The following ILDR2 variants were observed in gnomAD, a reference collection of about 807,000 sequenced individuals.
ILDR2 encodes the protein immunoglobulin like domain containing receptor 2.
A neutral mutation model predicts 66.8 loss-of-function variants in ILDR2; 25 were observed. The observed-to-expected ratio is 0.37, with a 90% CI of 0.27 to 0.52. ILDR2 has a LOEUF of 0.52. Ranked by LOEUF, ILDR2 falls within the 20% of genes least tolerant of loss-of-function variation. ILDR2 has a pLI of 0.88. For synonymous variants in ILDR2, 367 were observed against 357.2 expected (o/e 1.03, Z -0.31); for missense variants, 827 against 876.8 (o/e 0.94, Z 0.72).
intron 1 of ILDR2, among the ~76,000 whole-genome samples, chr1:166,961,313 G>A (rs1324796339): frequency 6.6e-6 from 1 of 152,066 alleles, no homozygotes; most frequent in Non-Finnish European, 1.5e-5. Context: ...CTCCTTCCAA[G>A]CTCTGTTCTC....
At position 166,975,296 on chromosome 1, in the gene ILDR2, G is replaced by T; in HGVS notation, c.-28C>A. The T allele has an allele frequency of 6.2e-7, 1 of 1,609,782 alleles. No individual in the cohort carries two copies. Among genetic ancestry groups the T allele is most frequent in the Non-Finnish European group, 8.5e-7 (1 of 1,176,570 alleles). On this transcript the variant is annotated 5_prime_UTR_variant, in exon 1 of 10. Transcript: ENST00000271417. ...TCCCCAACTTCCCAGCCGAATTACG[G>T]AGTGAGGAAAGTGGGAAATGGCTGG... is the stretch of plus-strand genomic sequence containing the variant.
intron 3 of ILDR2, among the ~76,000 whole-genome samples, chr1:166,948,022 A>T (rs1406971198): frequency 6.6e-6 from 1 of 152,106 alleles, no homozygotes; most frequent in Non-Finnish European, 1.5e-5. Flanking sequence ...TTCAGAAAAC[A>T]ACTATTACGT....
chr1:166,925,757 C>CTTA (rs1223891485), intron 7 of ILDR2, among the ~76,000 whole-genome samples: 6 of 152,190 alleles, frequency 3.9e-5, no homozygotes, highest in Non-Finnish European at 8.8e-5. Flanking sequence ...AGTCCATTAC[C>CTTA]TTATGACCAT....
intron 3 of ILDR2, among the ~76,000 whole-genome samples, chr1:166,940,749 C>T (rs1661265152): frequency 6.6e-6 from 1 of 152,208 alleles, no homozygotes; most frequent in Non-Finnish European, 1.5e-5. Context: ...ACACATGTTG[C>T]TATTGGACAG....
rs1172820649 is a variant in ILDR2 at position 166,915,309 on chromosome 1, T to C, written c.*4046A>G. 1.3e-5 allele frequency: 2 copies of C among 152,318 alleles called. No homozygotes were observed. The highest frequency in any genetic ancestry group is 4.8e-5 in the African/African-American group (2 of 41,552). 9.4% of individuals were successfully genotyped at this position (152,318 alleles called of 1,614,324 possible). A position where few individuals can be genotyped will look rare whatever the true frequency, so the allele number is the denominator to read the frequency against. ...ATTGAGAGGGACCTCACCAGGACAT[T>C]TGAAGAAAAAATTCTAAGGCCCAAG... On this transcript the variant is annotated 3_prime_UTR_variant, in exon 10 of 10. Coordinates refer to ENST00000271417, the MANE Select transcript of ILDR2 (RefSeq NM_199351.3).
At chr1:166,925,084 C>G (rs1660197799) in intron 7 of ILDR2, among the ~76,000 whole-genome samples, 1 of 152,008 alleles carries the variant, frequency 6.6e-6, no homozygotes, top group African/African-American at 2.4e-5. Context: ...CTAGAACTTC[C>G]CAGACTAAAA....
intron 7 of ILDR2, among the ~76,000 whole-genome samples, chr1:166,923,653 TG>T (rs1176265420): frequency 2.0e-5 from 3 of 152,164 alleles, no homozygotes; most frequent in African/African-American, 7.2e-5. Context: ...AAAATACAAA[TG>T]GGGGTATCTA....
chr1:166,913,026 C>T lies in ILDR2; in HGVS notation c.*6329G>A, dbSNP rs538325800. ...GCTTATTACAATCTGTAAAAGCATA[C>T]CTTTTGCTCTGTCAGTACCAGCCCC... On this transcript the variant is annotated 3_prime_UTR_variant, in exon 10 of 10. Transcript: ENST00000271417. 6.6e-6 allele frequency: 1 copy of T among 152,318 alleles called. No individual in the cohort carries two copies. The highest frequency in any genetic ancestry group is 2.4e-5 in the African/African-American group (1 of 41,568). The allele number at this position is 152,318 out of a possible 1,614,324, so 9.4% of individuals were successfully genotyped here.
downstream of ILDR2, among the ~76,000 whole-genome samples, chr1:166,907,555 C>A (rs541366043): frequency 6.6e-6 from 1 of 152,258 alleles, no homozygotes; most frequent in African/African-American, 2.4e-5. Flanking sequence ...ATCTGTTGCT[C>A]TAAATTTGCT....
intron 7 of ILDR2, among the ~76,000 whole-genome samples, chr1:166,923,535 G>C (rs114780393): frequency 6.6e-6 from 1 of 152,202 alleles, no homozygotes; most frequent in Non-Finnish European, 1.5e-5. Flanking sequence ...TTTTCCAGGG[G>C]TATGTGTCCA....
chr1:166,950,358 C>T (rs1661899622), intron 3 of ILDR2, among the ~76,000 whole-genome samples: 2 of 152,106 alleles, frequency 1.3e-5, no homozygotes. Flanking sequence ...CCCTTTTAAT[C>T]GTCAAATCTC....
At chr1:166,923,433 C>T (rs1021810712) in intron 7 of ILDR2, among the ~76,000 whole-genome samples, 2 of 152,232 alleles carry the variant, frequency 1.3e-5, no homozygotes, top group East Asian at 1.9e-4. Context: ...TGACTTAGCC[C>T]ATGCTCATTT....
At position 166,936,579 on chromosome 1, in the gene ILDR2, C is replaced by A. The variant is rs1660995424; in HGVS notation, c.703+12G>T. 3 of 1,613,948 alleles carry A rather than the reference C, an allele frequency of 1.9e-6. No individual in the cohort carries two copies. The highest frequency in any genetic ancestry group is 2.5e-6 in the Non-Finnish European group (3 of 1,180,022). ...TCGATCGCTCTGTCTCCCCAGCGGT[C>A]ACTGTACTCACAGGCTTGAGGGCAG... On this transcript the variant is annotated intron_variant, in intron 5 of 9. Transcript: ENST00000271417. This position sits in a 1 kb window ranked among gnomAD's most constrained non-coding sequence, Gnocchi z 5.0.
downstream of ILDR2, among the ~76,000 whole-genome samples, chr1:166,904,604 AC>A (rs1659311908): frequency 6.6e-6 from 1 of 152,312 alleles, no homozygotes; most frequent in East Asian, 1.9e-4. Context: ...TTTCTAAGTC[AC>A]CTTGAGAAGT....
rs545226997 is a variant in ILDR2 at position 166,915,549 on chromosome 1, A to G, written c.*3806T>C. On this transcript the variant is annotated 3_prime_UTR_variant, in exon 10 of 10. Coordinates refer to ENST00000271417, the MANE Select transcript of ILDR2 (RefSeq NM_199351.3). Reference sequence around the variant, plus strand: ...TTGTGGTTAGGCAATTTTGGGAAACACTAATCAGCAGAAAAGATCCAGAGG... The same window carrying G: ...TTGTGGTTAGGCAATTTTGGGAAACGCTAATCAGCAGAAAAGATCCAGAGG... The G allele has an allele frequency of 1.3e-5, 2 of 152,208 alleles. No individual in the cohort carries two copies. Among genetic ancestry groups the G allele is most frequent in the Admixed American group, 6.5e-5 (1 of 15,282 alleles). 9.4% of individuals were successfully genotyped at this position (152,208 alleles called of 1,614,324 possible). A position where few individuals can be genotyped will look rare whatever the true frequency, so the allele number is the denominator to read the frequency against.
chr1:166,954,452 C>A (rs982992690), intron 3 of ILDR2, among the ~76,000 whole-genome samples: 1 of 152,088 alleles, frequency 6.6e-6, no homozygotes, highest in Non-Finnish European at 1.5e-5. Flanking sequence ...CTAACTAACC[C>A]CTTTAAATAA....
At chr1:166,966,643 A>G (rs1662969664) in intron 1 of ILDR2, among the ~76,000 whole-genome samples, 1 of 152,206 alleles carries the variant, frequency 6.6e-6, no homozygotes, top group South Asian at 2.1e-4. Flanking sequence ...AAAGCTAGAA[A>G]CATTTTCTTT....
At position 166,920,752 on chromosome 1, in the gene ILDR2, G is replaced by C. The variant is rs2101850275; in HGVS notation, c.1839C>G (p.His613Gln). ...PSYRGRDLPY[H>Q]SNSEKKRKKE... Reference sequence around the variant, plus strand: ...TTTTCCTCTTCTTCTCCGAGTTGCTGTGGTAGGGCAGGTCGCGGCCGCGGT... The same window carrying C: ...TTTTCCTCTTCTTCTCCGAGTTGCTCTGGTAGGGCAGGTCGCGGCCGCGGT... Residue 613 changes from histidine to glutamine, a missense_variant, in exon 9 of 10, where the codon CAC becomes CAG. Physicochemically the swap from His to Gln is conservative, Grantham distance 24 (BLOSUM62 0). Coordinates refer to ENST00000271417, the MANE Select transcript of ILDR2 (RefSeq NM_199351.3). The C allele has an allele frequency of 6.7e-7, 1 of 1,481,600 alleles. No individual in the cohort carries two copies. Among genetic ancestry groups the C allele is most frequent in the East Asian group, 2.7e-5 (1 of 36,564 alleles). The allele number at this position is 1,481,600 out of a possible 1,614,324, so 91.8% of individuals were successfully genotyped here. A position where few individuals can be genotyped will look rare whatever the true frequency, so the allele number is the denominator to read the frequency against.
chr1:166,912,124 G>C lies in ILDR2; in HGVS notation c.*7231C>G, dbSNP rs946543586. On this transcript the variant is annotated 3_prime_UTR_variant, in exon 10 of 10. Coordinates refer to ENST00000271417, the MANE Select transcript of ILDR2 (RefSeq NM_199351.3). ...TAGAGACAAAAAAATCTTTAGAACA[G>C]TCAGAGAGACCAGACAGATTAGGAA... 2.2e-4 allele frequency: 34 copies of C among 152,130 alleles called. 1 individual carries two copies. Among genetic ancestry groups the C allele is most frequent in the Non-Finnish European group, 1.5e-5 (1 of 68,000 alleles). The allele number at this position is 152,130 out of a possible 1,614,324, so 9.4% of individuals were successfully genotyped here.
Sources: allele counts gnomAD v4.1 joint callset (sites outside exome capture counted in the v4.1 genomes callset), GRCh38; gene constraint gnomAD v4.1.1; non-coding constraint Gnocchi (gnomAD v3.1); transcripts MANE v1.5; gene names NCBI Gene and HGNC (gene_info 2026-07-23, HGNC 2026-07-21).